CSGALNACT1: variants seen among roughly 807,000 people sequenced by gnomAD.
CSGALNACT1 encodes chondroitin sulfate N-acetylgalactosaminyltransferase 1.
Under a neutral mutation model 51.0 loss-of-function variants are expected in CSGALNACT1, and 52 were observed. The observed-to-expected ratio is 1.02, with a 90% CI of 0.82 to 1.29. The LOEUF (loss-of-function observed/expected upper bound fraction) is 1.29, where lower values mean the gene tolerates loss of function less well. Among genes scored for constraint, CSGALNACT1 ranks in the 50% most tolerant of loss-of-function variants. CSGALNACT1 has a pLI of 0.00. For synonymous variants in CSGALNACT1, 341 were observed against 254.4 expected (o/e 1.34, Z -3.24); for missense variants, 935 against 679.2 (o/e 1.38, Z -4.19).
chr8:19,528,171 G>T (rs1029349165), intron 3 of CSGALNACT1, among the ~76,000 whole-genome samples: 1 of 151,912 alleles, frequency 6.6e-6, no homozygotes, highest in Non-Finnish European at 1.5e-5. Flanking sequence ...TAATTCTGTA[G>T]CCCATTTTTG....
chr8:19,570,393 T>G lies in CSGALNACT1; in HGVS notation c.-297+20767A>C, dbSNP rs181491340. ...TTAACCAATCCAACAAAGAATTGTA[T>G]TCTCCCCCTACAAAGGTACAGAAGC... On this transcript the variant is annotated intron_variant, in intron 3 of 9. Coordinates refer to ENST00000454498, the Ensembl canonical transcript of CSGALNACT1. Among the ~76,000 whole-genome samples, 9 of 152,298 alleles carry G rather than the reference T, an allele frequency of 5.9e-5. No homozygotes were observed. The East Asian group carries it at 9.6e-4, about 16-fold the overall frequency.
chr8:19,485,776 T>TTC (rs1177696361), intron 4 of CSGALNACT1, among the ~76,000 whole-genome samples: 4 of 135,424 alleles, frequency 3.0e-5, no homozygotes, highest in African/African-American at 1.1e-4. Context: ...TTTTTTTTTT[T>TTC]TTTTTTTTTG....
chr8:19,673,247 C>T (rs145206370), intron 1 of CSGALNACT1, among the ~76,000 whole-genome samples: 4 of 152,298 alleles, frequency 2.6e-5, no homozygotes, highest in African/African-American at 9.6e-5. Context: ...ACTGGGATTC[C>T]AGGTTTGAGT....
At chr8:19,504,100 G>A (rs369253149) in intron 4 of CSGALNACT1, among the ~76,000 whole-genome samples, 10 of 152,076 alleles carry the variant, frequency 6.6e-5, no homozygotes, top group East Asian at 3.9e-4. Context: ...TTTTTGAGAC[G>A]GAGTCTCTCT....
At chr8:19,628,410 C>G (rs968738379) in intron 1 of CSGALNACT1, among the ~76,000 whole-genome samples, 1 of 152,188 alleles carries the variant, frequency 6.6e-6, no homozygotes, top group Non-Finnish European at 1.5e-5. Context: ...GGAAACTGCC[C>G]ACATGATCCA....
intron 1 of CSGALNACT1, among the ~76,000 whole-genome samples, chr8:19,659,150 G>A (rs2058552289): frequency 6.6e-6 from 1 of 151,986 alleles, no homozygotes; most frequent in African/African-American, 2.4e-5. Flanking sequence ...TGTACCATTA[G>A]AGGGATACAT....
At chr8:19,604,639 G>T (rs1438946114), upstream of CSGALNACT1, among the ~76,000 whole-genome samples, 1 of 151,700 alleles carries the variant, frequency 6.6e-6, no homozygotes, top group East Asian at 1.9e-4. Flanking sequence ...CAGGTACGGT[G>T]GCTCATGCGT....
chr8:19,476,405 T>A (rs1252562947), intron 4 of CSGALNACT1, among the ~76,000 whole-genome samples: 1 of 152,126 alleles, frequency 6.6e-6, no homozygotes, highest in African/African-American at 2.4e-5. Context: ...CACGCCTGGC[T>A]AATATATTCT....
exon 5 of CSGALNACT1, chr8:19,458,586 C>T: frequency 1.2e-6 from 2 of 1,614,094 alleles, no homozygotes; most frequent in Non-Finnish European, 1.7e-6. Flanking sequence ...TGTTTGTGGT[C>T]CCCTTTGAAG....
chr8:19,692,467 T>C (rs899939294), intron 1 of CSGALNACT1, among the ~76,000 whole-genome samples: 2 of 152,164 alleles, frequency 1.3e-5, no homozygotes, highest in Admixed American at 6.5e-5. Context: ...TCTACGCTCA[T>C]GGTAAGGGAG....
At chr8:19,639,759 T>C (rs971709626) in intron 1 of CSGALNACT1, among the ~76,000 whole-genome samples, 1 of 152,040 alleles carries the variant, frequency 6.6e-6, no homozygotes, top group African/African-American at 2.4e-5. Context: ...ACCCGCTCCA[T>C]GTCATCATAA....
intron 3 of CSGALNACT1, among the ~76,000 whole-genome samples, chr8:19,544,738 G>A (rs1051356164): frequency 7.9e-5 from 12 of 152,162 alleles, no homozygotes; most frequent in East Asian, 1.9e-4. Context: ...TCTAGTAGCT[G>A]TAAGTTTAAA....
intron 2 of CSGALNACT1, among the ~76,000 whole-genome samples, chr8:19,600,349 G>T (rs190587534): frequency 2.6e-5 from 4 of 152,046 alleles, no homozygotes; most frequent in Non-Finnish European, 5.9e-5. Context: ...CAAAGTGCTG[G>T]GATTATAGGA....
At position 19,462,900 on chromosome 8, in the gene CSGALNACT1, G is replaced by C. The variant is rs559409506; in HGVS notation, c.635-4258C>G. Among the ~76,000 whole-genome samples, 5 of 152,144 alleles carry C rather than the reference G, an allele frequency of 3.3e-5. No homozygotes were observed. The South Asian group carries it at 1.0e-3, about 32-fold the overall frequency. ...GCATGTTGCAGGGGTTTAGTGTACAGATAATTTTGTCACCCAGCTAAACAG... is the reference window on the plus strand; with the variant it reads ...GCATGTTGCAGGGGTTTAGTGTACACATAATTTTGTCACCCAGCTAAACAG... On this transcript the variant is annotated intron_variant, in intron 4 of 9. Transcript: ENST00000454498.
At chr8:19,485,280 C>T (rs117916470) in intron 4 of CSGALNACT1, among the ~76,000 whole-genome samples, 3,398 of 152,240 alleles carry the variant, frequency 0.022, 42 homozygotes, top group Middle Eastern at 0.051. Context: ...AAGTCATCCC[C>T]GACTCTTCTC....
At chr8:19,465,966 A>T (rs1314266522) in intron 4 of CSGALNACT1, among the ~76,000 whole-genome samples, 1 of 152,224 alleles carries the variant, frequency 6.6e-6, no homozygotes, top group Non-Finnish European at 1.5e-5. Flanking sequence ...CAGAATAAAC[A>T]AGGTAAAGTC....
At chr8:19,422,268 C>T (rs963040940) in intron 6 of CSGALNACT1, among the ~76,000 whole-genome samples, 16 of 152,274 alleles carry the variant, frequency 1.1e-4, no homozygotes, top group African/African-American at 3.8e-4. Context: ...TAGCTCACTA[C>T]AGCCTCAAAC....
chr8:19,666,225 C>A (rs188293153), intron 1 of CSGALNACT1, among the ~76,000 whole-genome samples: 153 of 152,292 alleles, frequency 1.0e-3, no homozygotes, highest in Non-Finnish European at 1.7e-3. Flanking sequence ...CTTTCACCGT[C>A]AGACCTTAAA....
chr8:19,740,456 G>T (rs1039465447), intron 1 of CSGALNACT1, among the ~76,000 whole-genome samples: 17 of 152,292 alleles, frequency 1.1e-4, no homozygotes, highest in East Asian at 3.9e-4. Context: ...CACAGCAGAG[G>T]CTTCTTCAAA....
Sources: allele counts gnomAD v4.1 joint callset (sites outside exome capture counted in the v4.1 genomes callset), GRCh38; gene constraint gnomAD v4.1.1; transcripts MANE v1.5; gene names NCBI Gene and HGNC (gene_info 2026-07-23, HGNC 2026-07-21).